NME6: variants seen among roughly 807,000 people sequenced by gnomAD.
NME6 encodes the protein NME/NM23 nucleoside diphosphate kinase 6, also known as nucleoside diphosphate kinase 6, mitochondrial.
Under a neutral mutation model 22.2 loss-of-function variants are expected in NME6, and 16 were observed. The ratio of observed to expected loss-of-function variants is 0.72; its 90% CI spans 0.49 to 1.09. NME6 has a LOEUF of 1.09. NME6 is among the 50% of genes least tolerant of loss of function. The pLI is 0.00. For missense variants in NME6, 229 were observed against 239.0 expected (o/e 0.96, Z 0.28); for synonymous variants, 58 against 85.2 (o/e 0.68, Z 1.76).
At chr3:48,297,273 C>T (rs1398052079) in intron 2 of NME6, among the ~76,000 whole-genome samples, 1 of 152,214 alleles carries the variant, frequency 6.6e-6, no homozygotes, top group Non-Finnish European at 1.5e-5. Flanking sequence ...TTATACTTTC[C>T]TTACTCTGTA....
chr3:48,299,557 A>AT (rs2035478391), intron 1 of NME6, among the ~76,000 whole-genome samples: 2 of 148,934 alleles, frequency 1.3e-5, no homozygotes, highest in Non-Finnish European at 3.0e-5. Context: ...TCTACTACAT[A>AT]TGTGTGTATG....
intron 2 of NME6, chr3:48,297,618 T>C (rs548410950): frequency 2.0e-5 from 3 of 152,600 alleles, no homozygotes; most frequent in East Asian, 1.9e-4. Flanking sequence ...AATATGATTA[T>C]GTTACATTAC....
rs1232327726 is a variant in NME6, at chr3:48,294,262, T to C, written c.*375A>G. On this transcript the variant is annotated 3_prime_UTR_variant, in exon 6 of 6. Transcript: ENST00000442597. ...CTAATTGTTGTATTTTTAGTAGAGA[T>C]GGGGTTTCACCATGTTGGTCAGGCT... is the stretch of plus-strand genomic sequence containing the variant. The C allele has an allele frequency of 5.7e-6, 1 of 174,238 alleles. No homozygotes were observed. Among genetic ancestry groups the C allele is most frequent in the South Asian group, 1.5e-4 (1 of 6,806 alleles). 10.8% of individuals were successfully genotyped at this position (174,238 alleles called of 1,614,324 possible).
chr3:48,291,229 G>A, downstream of NME6: 1 of 374,104 alleles, frequency 2.7e-6, no homozygotes, highest in Non-Finnish European at 5.2e-6. Context: ...TAAGCAGGAA[G>A]GGTATTGGGG....
chr3:48,292,848 A>G lies in NME6; in HGVS notation c.*1789T>C, dbSNP rs1015251460. ...TATAGGTGTGCCACTGTGCCCAGGTATTTCAAGGATTTTTGTACAGCAAAT... is the reference window on the plus strand; with the variant it reads ...TATAGGTGTGCCACTGTGCCCAGGTGTTTCAAGGATTTTTGTACAGCAAAT... On this transcript the variant is annotated 3_prime_UTR_variant, in exon 6 of 6. Coordinates refer to ENST00000442597, the MANE Select transcript of NME6 (RefSeq NM_001308426.2). 3 of 152,174 alleles carry G rather than the reference A, an allele frequency of 2.0e-5. No homozygotes were observed. Among genetic ancestry groups the G allele is most frequent in the Admixed American group, 6.5e-5 (1 of 15,270 alleles). 9.4% of individuals were successfully genotyped at this position (152,174 alleles called of 1,614,324 possible).
intron 1 of NME6, 96 bp downstream of exon 1, chr3:48,301,257 G>A (rs2035673150): frequency 1.3e-6 from 2 of 1,584,456 alleles, no homozygotes; most frequent in African/African-American, 2.7e-5. Context: ...GCCTGCAACC[G>A]CGCAGCCCTC....
Position 48,295,214 on chromosome 3 carries a change from G to C in NME6, c.255C>G (p.Ile85Met). ...GCTGGATGGCATCCTTGTGGGCAAG[G>C]ATGTAGGCTCGGATTGGCCCGCTGT... ...FMASGPIRAY[I>M]LAHKDAIQLW... Residue 85 changes from isoleucine (I) to methionine (M), a missense_variant, in exon 5 of 6, where the codon ATC (isoleucine) becomes ATG (methionine). Coordinates refer to ENST00000442597, the MANE Select transcript of NME6 (RefSeq NM_001308426.2). 6.2e-7 allele frequency: 1 copy of C among 1,613,924 alleles called. No individual in the cohort carries two copies. Among genetic ancestry groups the C allele is most frequent in the African/African-American group, 1.3e-5 (1 of 75,052 alleles).
rs369032903 is a variant in NME6, at chr3:48,301,290, G to C, written c.-8+63C>G. The C allele has an allele frequency of 1.5e-5, 24 of 1,598,844 alleles. No individual in the cohort carries two copies. The African/African-American group carries it at 3.2e-4, about 21-fold the overall frequency. On this transcript the variant is annotated intron_variant, in intron 1 of 5. Transcript: ENST00000442597. Reference sequence around the variant, plus strand: ...CTCACCCCTCGTACCCGGGGCCTAAGCCCACCCCAGATTCTGGGTCATTCG... The same window carrying C: ...CTCACCCCTCGTACCCGGGGCCTAACCCCACCCCAGATTCTGGGTCATTCG...
At chr3:48,289,860 T>C (rs1298962589), downstream of NME6, among the ~76,000 whole-genome samples, 6 of 152,178 alleles carry the variant, frequency 3.9e-5, no homozygotes, top group Non-Finnish European at 7.3e-5. Flanking sequence ...ACACATGGAA[T>C]ATTACACAGC....
chr3:48,296,455 G>C (rs1269308041), intron 3 of NME6, among the ~76,000 whole-genome samples: 1 of 152,170 alleles, frequency 6.6e-6, no homozygotes, highest in Non-Finnish European at 1.5e-5. Flanking sequence ...TTAGGACAAT[G>C]TCTGATGGTA....
chr3:48,296,715 T>C lies in NME6; in HGVS notation c.193+12A>G. ...TTGAGGCACCTTCCATTCAGAGGAC[T>C]ACTGATCCTACCTTCATGCTCTCGG... On this transcript the variant is annotated intron_variant, in intron 3 of 5. Coordinates refer to ENST00000442597, the MANE Select transcript of NME6 (RefSeq NM_001308426.2). The C allele has an allele frequency of 1.3e-6, 2 of 1,593,672 alleles. No homozygotes were observed. Among genetic ancestry groups the C allele is most frequent in the South Asian group, 2.2e-5 (2 of 90,536 alleles).
At chr3:48,295,038 C>T (rs774534557) in intron 5 of NME6, 37 bp downstream of exon 5, 3 of 1,595,248 alleles carry the variant, frequency 1.9e-6, no homozygotes, top group African/African-American at 1.3e-5. Flanking sequence ...TGCCCGCTAA[C>T]CCCAAAATAT....
downstream of NME6, among the ~76,000 whole-genome samples, chr3:48,289,776 T>C (rs2106874179): frequency 6.6e-6 from 1 of 152,340 alleles, no homozygotes; most frequent in East Asian, 1.9e-4. Flanking sequence ...GATTGTTCAA[T>C]GTGAAATTAA....
chr3:48,296,079 G>A (rs766920873), intron 4 of NME6, 40 bp downstream of exon 4: 2 of 1,284,980 alleles, frequency 1.6e-6, no homozygotes, highest in African/African-American at 1.5e-5. Flanking sequence ...GGGGAGATTA[G>A]CCTCAGTGGA....
At chr3:48,290,915 G>T, downstream of NME6, 1 of 247,804 alleles carries the variant, frequency 4.0e-6, no homozygotes, top group Non-Finnish European at 8.0e-6. Flanking sequence ...CAGGTTCGTG[G>T]CTACAACACT....
chr3:48,292,325 G>A lies in NME6; in HGVS notation c.*2312C>T, dbSNP rs1488706906. The A allele has an allele frequency of 3.9e-5, 6 of 152,084 alleles. No homozygotes were observed. The East Asian group carries it at 7.7e-4, about 20-fold the overall frequency. The allele number at this position is 152,084 out of a possible 1,614,324, so 9.4% of individuals were successfully genotyped here. On this transcript the variant is annotated 3_prime_UTR_variant, in exon 6 of 6. Transcript: ENST00000442597. The stretch of plus-strand genomic sequence containing the variant: ...GAGTTCACACTGATATCTCCAATTC[G>A]ACACCACAGGGTTTATTCTAGTTTT...
At chr3:48,291,690 T>C (rs2034487265), downstream of NME6, 1 of 154,004 alleles carries the variant, frequency 6.5e-6, no homozygotes, top group Non-Finnish European at 1.4e-5. Flanking sequence ...CAGCCTATTT[T>C]TAGTTTTTAT....
Position 48,294,817 on chromosome 3 carries a change from T to A in NME6, c.395-14A>T. On this transcript the variant is annotated splice_polypyrimidine_tract_variant and intron_variant, in intron 5 of 5. Transcript: ENST00000442597. ...AAACCACAGAGTCTGTAAGGGGAGA[T>A]AAGACAGAGAAGGGGTTCTCACATG... The A allele has an allele frequency of 6.2e-7, 1 of 1,611,252 alleles. No homozygotes were observed. The highest frequency in any genetic ancestry group is 8.5e-7 in the Non-Finnish European group (1 of 1,177,710).
At chr3:48,298,305 T>C (rs2035320036) in intron 2 of NME6, 122 bp downstream of exon 2, 2 of 853,710 alleles carry the variant, frequency 2.3e-6, no homozygotes, top group Non-Finnish European at 1.9e-6. Context: ...TCATGGCTTC[T>C]AGCTTTGCCT....
Sources: gnomAD v4.1 joint callset for allele counts (sites outside exome capture counted in the v4.1 genomes callset) on GRCh38, gnomAD v4.1.1 for gene constraint, MANE v1.5 for transcripts, NCBI Gene and HGNC (gene_info 2026-07-23, HGNC 2026-07-21) for gene names.